PRR16: variants seen among roughly 807,000 people sequenced by gnomAD.
PRR16 encodes proline rich 16, also known as protein Largen.
Under a neutral mutation model 18.2 loss-of-function variants are expected in PRR16, and 6 were observed. The ratio of observed to expected loss-of-function variants is 0.33; its 90% CI spans 0.18 to 0.65. PRR16 has a LOEUF of 0.65. Ranked by LOEUF, PRR16 falls within the 30% of genes least tolerant of loss-of-function variation. The pLI is 0.74. For synonymous variants in PRR16, 151 were observed against 147.8 expected, an observed-to-expected ratio of 1.02 and a Z score of -0.16; for missense variants, 412 against 376.6, an observed-to-expected ratio of 1.09 and a Z score of -0.78.
intron 1 of PRR16, among the ~76,000 whole-genome samples, chr5:120,614,602 CTG>C (rs1754446064): frequency 6.6e-6 from 1 of 152,150 alleles, no homozygotes; most frequent in Admixed American, 6.5e-5. Flanking sequence ...TTGTCTGAGA[CTG>C]TGTCTAATAT....
chr5:120,757,852 A>G, the PRR16 span, among the ~76,000 whole-genome samples: 2 of 152,106 alleles, frequency 1.3e-5, no homozygotes, highest in Non-Finnish European at 2.9e-5. Flanking sequence ...CTCGATTTAA[A>G]TAGAAAAATG....
chr5:120,678,151 C>T (rs1174858556), intron 1 of PRR16, among the ~76,000 whole-genome samples: 1 of 151,932 alleles, frequency 6.6e-6, no homozygotes, highest in Non-Finnish European at 1.5e-5. Flanking sequence ...CCTGGTGATC[C>T]GCCTGCCTCG....
chr5:120,790,619 T>C, the PRR16 span: 47 of 152,298 alleles, frequency 3.1e-4, no homozygotes, highest in African/African-American at 1.1e-3. Flanking sequence ...AATTTTCACA[T>C]TCAATCCTTC....
chr5:120,753,838 TAA>T, the PRR16 span, among the ~76,000 whole-genome samples: 3 of 128,922 alleles, frequency 2.3e-5, no homozygotes, highest in South Asian at 2.2e-4. Context: ...ATAATATATA[TAA>T]CTTATATATT....
At chr5:120,522,567 A>T (rs1229884368) in intron 1 of PRR16, among the ~76,000 whole-genome samples, 1 of 151,996 alleles carries the variant, frequency 6.6e-6, no homozygotes, top group East Asian at 1.9e-4. Flanking sequence ...TAGATTCTGG[A>T]TATTAGCCCT....
At chr5:120,733,739 A>C in the PRR16 span, among the ~76,000 whole-genome samples, 1 of 152,170 alleles carries the variant, frequency 6.6e-6, no homozygotes, top group Non-Finnish European at 1.5e-5. Flanking sequence ...GCCTTTCCAC[A>C]GTTTTAATGA....
intron 1 of PRR16, among the ~76,000 whole-genome samples, chr5:120,567,084 C>T (rs982371295): frequency 1.6e-4 from 24 of 152,180 alleles, no homozygotes; most frequent in African/African-American, 5.8e-4. Flanking sequence ...GCTATGCTTT[C>T]ATACTTATCA....
At chr5:120,696,259 A>C in the PRR16 span, among the ~76,000 whole-genome samples, 1 of 152,094 alleles carries the variant, frequency 6.6e-6, no homozygotes, top group Non-Finnish European at 1.5e-5. Context: ...AAAAACAAAA[A>C]ACCCACAGTG....
At chr5:120,669,988 T>G (rs1330833847) in intron 1 of PRR16, among the ~76,000 whole-genome samples, 1 of 152,114 alleles carries the variant, frequency 6.6e-6, no homozygotes, top group East Asian at 1.9e-4. Context: ...TTAAATGTTA[T>G]AATGCATAAA....
At chr5:120,592,762 G>A (rs775146731) in intron 1 of PRR16, among the ~76,000 whole-genome samples, 2 of 152,070 alleles carry the variant, frequency 1.3e-5, no homozygotes, top group Non-Finnish European at 1.5e-5. Context: ...CATAGGGTAT[G>A]TAGAAGAATT....
chr5:120,490,011 C>T lies in PRR16; in HGVS notation c.159+25366C>T, dbSNP rs192031333. The stretch of plus-strand genomic sequence containing the variant: ...CTCTTCTGGCTTGTAGAGTTTCTGC[C>T]GAGAGATCAGCTGTTAGTCTGATGG... On this transcript the variant is annotated intron_variant, in intron 1 of 1. Coordinates refer to ENST00000407149, the MANE Select transcript of PRR16 (RefSeq NM_001300783.2). Among the ~76,000 whole-genome samples the T allele has an allele frequency of 2.5e-3, 374 of 152,172 alleles. 3 individuals are homozygous for T. The highest frequency in any genetic ancestry group is 4.0e-3 in the African/African-American group (165 of 41,512).
intron 1 of PRR16, among the ~76,000 whole-genome samples, chr5:120,502,955 C>T (rs1750514306): frequency 6.6e-6 from 1 of 152,108 alleles, no homozygotes; most frequent in African/African-American, 2.4e-5. Context: ...GCTCAGCAAA[C>T]CTAGGACCTA....
chr5:120,594,611 A>G (rs573873538), intron 1 of PRR16, among the ~76,000 whole-genome samples: 1 of 152,264 alleles, frequency 6.6e-6, no homozygotes, highest in South Asian at 2.1e-4. Flanking sequence ...AAACTATTTT[A>G]AAATTCATAA....
At chr5:120,764,275 T>C in the PRR16 span, among the ~76,000 whole-genome samples, 36,184 of 151,986 alleles carry the variant, frequency 0.24, 5,108 homozygotes, top group Non-Finnish European at 0.31. Context: ...TGAAATCATA[T>C]TGAATTTTAC....
intron 1 of PRR16, among the ~76,000 whole-genome samples, chr5:120,606,424 A>AT (rs1754156052): frequency 6.6e-6 from 1 of 152,140 alleles, no homozygotes; most frequent in Non-Finnish European, 1.5e-5. Context: ...TATCACCTGC[A>AT]TTTTTATATA....
intron 1 of PRR16, among the ~76,000 whole-genome samples, chr5:120,564,486 A>C (rs1195711871): frequency 7.5e-6 from 1 of 134,156 alleles, no homozygotes; most frequent in African/African-American, 2.7e-5. Flanking sequence ...TGCTCCCTAC[A>C]TGCAAGGGCG....
At chr5:120,677,310 C>T (rs1291683212) in intron 1 of PRR16, among the ~76,000 whole-genome samples, 1 of 152,146 alleles carries the variant, frequency 6.6e-6, no homozygotes, top group African/African-American at 2.4e-5. Flanking sequence ...TACTTCCTGC[C>T]TCGCCTCTGT....
chr5:120,585,898 G>A (rs772937002), intron 1 of PRR16, among the ~76,000 whole-genome samples: 5 of 151,968 alleles, frequency 3.3e-5, no homozygotes, highest in South Asian at 2.1e-4. Flanking sequence ...TTTTTGGGCC[G>A]GGTGCGATGG....
intron 1 of PRR16, among the ~76,000 whole-genome samples, chr5:120,527,298 T>C (rs1377481490): frequency 6.6e-6 from 1 of 152,148 alleles, no homozygotes; most frequent in Admixed American, 6.6e-5. Context: ...TCTTTATTCG[T>C]GTGGTTAGTG....
Sources: gnomAD v4.1 joint callset for allele counts (sites outside exome capture counted in the v4.1 genomes callset) on GRCh38, gnomAD v4.1.1 for gene constraint, MANE v1.5 for transcripts, NCBI Gene and HGNC (gene_info 2026-07-23, HGNC 2026-07-21) for gene names.